The following TMC6 variants were observed in gnomAD, a reference collection of about 807,000 sequenced individuals.
TMC6 encodes the protein transmembrane channel like 6.
A neutral mutation model predicts 95.4 loss-of-function variants in TMC6; 71 were observed. That is an observed-to-expected ratio of 0.74 (90% CI 0.61 to 0.91). The LOEUF (loss-of-function observed/expected upper bound fraction) is 0.91. TMC6 is among the 40% of genes least tolerant of loss of function. The pLI, the probability that TMC6 is intolerant of heterozygous loss-of-function variation, is 0.00. For synonymous variants in TMC6, 514 were observed against 483.1 expected, an observed-to-expected ratio of 1.06 and a Z score of -0.84; for missense variants, 1,074 against 1,079.1, an observed-to-expected ratio of 1.00 and a Z score of 0.07.
In TMC6 at chr17:78,121,470, G is replaced by T; in HGVS notation, c.1383+86C>A. On this transcript the variant is annotated intron_variant, in intron 11 of 19. Coordinates refer to ENST00000590602, the MANE Select transcript of TMC6 (RefSeq NM_001127198.5). The surrounding 1 kb of genome is among the most constrained non-coding windows in gnomAD (Gnocchi z 5.6). ...TGGGCTGGCTGGGTGGAGGAGGAGA[G>T]GCAAGGCTGCCTCCCCAGGGGGCAG... 6.3e-7 allele frequency: 1 copy of T among 1,591,322 alleles called. No individual in the cohort carries two copies. The highest frequency in any genetic ancestry group is 1.8e-5 in the Admixed American group (1 of 56,956).
At position 78,121,051 on chromosome 17, in the gene TMC6, A is replaced by G. The variant is rs2145206731; in HGVS notation, c.1497T>C (p.His499=). The change falls in exon 12 of 20, where the codon CAT becomes CAC. Residue 499 remains histidine (H), a synonymous_variant. Coordinates refer to ENST00000590602, the MANE Select transcript of TMC6 (RefSeq NM_001127198.5). This position sits in a 1 kb window ranked among gnomAD's most constrained non-coding sequence, Gnocchi z 5.6. ...CGTACACCTCCAGTACCGGGGAGTC[A>G]TGCGGCTCCAGGGCGGCCAGGACAC... The part of the protein sequence containing the change: ...LCRVLAALEP[H]DSPVLEVYVA... The G allele has an allele frequency of 6.2e-7, 1 of 1,613,304 alleles. No homozygotes were observed. Among genetic ancestry groups the G allele is most frequent in the Non-Finnish European group, 8.5e-7 (1 of 1,180,000 alleles).
chr17:78,117,158 C>T (rs949950307), intron 18 of TMC6, 111 bp downstream of exon 18: 2 of 1,194,088 alleles, frequency 1.7e-6, no homozygotes, highest in East Asian at 4.7e-5. Context: ...GGCAAACAAA[C>T]CCTTTCACCA....
rs752101891 is a variant in TMC6 at position 78,124,073 on chromosome 17, C to A, written c.998G>T (p.Gly333Val). ...LDGSQCTPRVGGLPYNMPLAY... is the reference protein window; with the variant it reads ...LDGSQCTPRVVGLPYNMPLAY... ...CAGGGGCATGTTGTAGGGCAGGCCA[C>A]CCACCCTGGGTGTGCACTGGCTGCC... Residue 333 changes from glycine to valine, a missense_variant, in exon 9 of 20, where the codon GGT (glycine) becomes GTT (valine). Gly to Val is a moderately radical substitution (Grantham distance 109). Transcript: ENST00000590602. The A allele has an allele frequency of 6.2e-7, 1 of 1,613,482 alleles. No homozygotes were observed. The highest frequency in any genetic ancestry group is 8.5e-7 in the Non-Finnish European group (1 of 1,179,976).
Position 78,122,553 on chromosome 17 carries a change from C to T in TMC6, c.1227+52G>A, listed in dbSNP as rs778202886. ...CACATGGTCCTAAGTGGACCCAGGG[C>T]CAGGCCTGCAGGGAGCTGGGCAGGC... On this transcript the variant is annotated intron_variant, in intron 10 of 19. Coordinates refer to ENST00000590602, the MANE Select transcript of TMC6 (RefSeq NM_001127198.5). This position sits in a 1 kb window ranked among gnomAD's most constrained non-coding sequence, Gnocchi z 4.9. The T allele has an allele frequency of 6.2e-7, 1 of 1,600,062 alleles. No individual in the cohort carries two copies. Among genetic ancestry groups the T allele is most frequent in the Non-Finnish European group, 8.5e-7 (1 of 1,179,138 alleles).
chr17:78,131,461 C>T (rs1568010910), upstream of TMC6: 4 of 1,361,644 alleles, frequency 2.9e-6, no homozygotes, highest in South Asian at 3.8e-5. Flanking sequence ...GCAGAGGGGA[C>T]GGAAGGGCCC....
chr17:78,121,934 G>A lies in TMC6; in HGVS notation c.1228-223C>T, dbSNP rs1291259382. On this transcript the variant is annotated intron_variant, in intron 10 of 19. Coordinates refer to ENST00000590602, the MANE Select transcript of TMC6 (RefSeq NM_001127198.5). The surrounding 1 kb of genome is among the most constrained non-coding windows in gnomAD (Gnocchi z 5.6). ...CCTGCCGAGAGGCCCCTGTGCCTGG[G>A]CTGGCGTTCACTCCCGAGGCCTGCC... 6.6e-6 allele frequency among the ~76,000 whole-genome samples: 1 copy of A among 152,096 alleles called. No homozygotes were observed. Among genetic ancestry groups the A allele is most frequent in the East Asian group, 1.9e-4 (1 of 5,164 alleles).
chr17:78,116,637 G>A (rs183833251), intron 18 of TMC6, among the ~76,000 whole-genome samples: 2 of 152,118 alleles, frequency 1.3e-5, no homozygotes, highest in East Asian at 3.9e-4. Flanking sequence ...TATAATCCTA[G>A]CACTTTGGGA....
At chr17:78,129,104 A>C (rs1329950654), upstream of TMC6, among the ~76,000 whole-genome samples, 2 of 123,114 alleles carry the variant, frequency 1.6e-5, no homozygotes, top group Non-Finnish European at 3.4e-5. This position sits in a 1 kb window ranked among gnomAD's most constrained non-coding sequence, Gnocchi z 4.3. Context: ...ATCTCACTCC[A>C]GATTGGGCAG....
In TMC6 at chr17:78,111,118, T is replaced by C. The variant is rs1300395798; in HGVS notation, c.*2030A>G. The C allele has an allele frequency of 6.6e-6, 1 of 152,222 alleles. No individual in the cohort carries two copies. Among genetic ancestry groups the C allele is most frequent in the Non-Finnish European group, 1.5e-5 (1 of 68,054 alleles). The allele number at this position is 152,222 out of a possible 1,614,324, so 9.4% of individuals were successfully genotyped here. A position where few individuals can be genotyped will look rare whatever the true frequency, so the allele number is the denominator to read the frequency against. On this transcript the variant is annotated 3_prime_UTR_variant, in exon 20 of 20. Transcript: ENST00000590602. ...GGCCCACCCACATTCTCAAGGATGA[T>C]CTTTAGGTGAAATCGACTGTAGGTG...
In TMC6 at chr17:78,125,724, A is replaced by G; in HGVS notation, c.430+2T>C. ...CTGGGGCTCCAGTGCCCACTCACTC[A>G]CCCTCCTCCTCCAGGGCCGTGGGGT... On this transcript the variant is annotated splice_donor_variant, in intron 5 of 19. Coordinates refer to ENST00000590602, the MANE Select transcript of TMC6 (RefSeq NM_001127198.5). LOFTEE classifies it high-confidence loss of function. The G allele has an allele frequency of 6.4e-7, 1 of 1,562,518 alleles. No individual in the cohort carries two copies. The highest frequency in any genetic ancestry group is 8.7e-7 in the Non-Finnish European group (1 of 1,154,152).
chr17:78,124,495 C>A, intron 8 of TMC6, 29 bp downstream of exon 8: 4 of 1,603,982 alleles, frequency 2.5e-6, no homozygotes, highest in Middle Eastern at 2.0e-4. Flanking sequence ...ACAGGCACCC[C>A]CCGTCCCCCA....
At chr17:78,118,319 G>C (rs1268834761) in intron 15 of TMC6, 1 of 324,838 alleles carries the variant, frequency 3.1e-6, no homozygotes, top group Non-Finnish European at 5.9e-6. Context: ...CACTTTGGGA[G>C]GCTGAGGTGG....
chr17:78,116,379 T>C (rs2074115619), intron 18 of TMC6, among the ~76,000 whole-genome samples: 1 of 147,360 alleles, frequency 6.8e-6, no homozygotes, highest in Non-Finnish European at 1.5e-5. Flanking sequence ...GCTCAAGCAA[T>C]CTCCTCCCTC....
Position 78,122,592 on chromosome 17 carries a change from C to T in TMC6, c.1227+13G>A, listed in dbSNP as rs764010145. ...AGCTGGGCAGGCCAGCTTGGTGCTC[C>T]GGGGCCACTCACCTTCAGCCGGGTG... On this transcript the variant is annotated intron_variant, in intron 10 of 19. Coordinates refer to ENST00000590602, the MANE Select transcript of TMC6 (RefSeq NM_001127198.5). The surrounding 1 kb of genome is among the most constrained non-coding windows in gnomAD (Gnocchi z 4.9). 5.3e-5 allele frequency: 85 copies of T among 1,607,554 alleles called. No individual in the cohort carries two copies. Among genetic ancestry groups the T allele is most frequent in the South Asian group, 6.6e-5 (6 of 91,040 alleles).
At chr17:78,132,006 G>A (rs1598895968), upstream of TMC6, 1 of 1,532,988 alleles carries the variant, frequency 6.5e-7, no homozygotes, top group Middle Eastern at 1.8e-4. Context: ...TGGGCTCTGG[G>A]AGGGGGCGCT....
At chr17:78,126,396 C>T (rs1477520509) in intron 3 of TMC6, 30 bp from the exon 4 acceptor site, 1 of 1,600,998 alleles carries the variant, frequency 6.2e-7, no homozygotes, top group African/African-American at 1.3e-5. Context: ...CACCAGGGGT[C>T]CTGGAGATGC....
intron 18 of TMC6, 93 bp downstream of exon 18, chr17:78,117,176 C>T: frequency 7.3e-7 from 1 of 1,366,984 alleles, no homozygotes; most frequent in Non-Finnish European, 1.0e-6. Flanking sequence ...CCAGCCAAGG[C>T]CCACAGGAGA....
intron 8 of TMC6, 171 bp from the exon 9 acceptor site, chr17:78,124,350 G>T: frequency 7.5e-7 from 1 of 1,332,326 alleles, no homozygotes; most frequent in Non-Finnish European, 1.0e-6. Flanking sequence ...GGGAACCCCA[G>T]CACGATGAGC....
At chr17:78,126,167 C>T in intron 4 of TMC6, 110 bp downstream of exon 4, 1 of 1,429,024 alleles carries the variant, frequency 7.0e-7, no homozygotes. Context: ...CTCTGAGCTA[C>T]GGGAGCAGCC....
Sources: gnomAD v4.1 joint callset for allele counts (sites outside exome capture counted in the v4.1 genomes callset) on GRCh38, gnomAD v4.1.1 for gene constraint, Gnocchi (gnomAD v3.1) non-coding constraint, MANE v1.5 for transcripts, NCBI Gene and HGNC (gene_info 2026-07-23, HGNC 2026-07-21) for gene names.